ZNF488: variants seen among roughly 807,000 people sequenced by gnomAD.
ZNF488 encodes zinc finger protein 488.
In ZNF488, 1 loss-of-function variant was observed where a neutral mutation model predicts 1.2. The ratio of observed to expected loss-of-function variants is 0.86; its 90% CI spans 0.30 to 4.07. The LOEUF (loss-of-function observed/expected upper bound fraction) is 4.07, where lower values mean the gene tolerates loss of function less well. ZNF488 is among the 30% of genes most tolerant of loss of function. The pLI, the probability that ZNF488 is intolerant of heterozygous loss-of-function variation, is 0.18. For synonymous variants in ZNF488, 185 were observed against 190.1 expected, an observed-to-expected ratio of 0.97 and a Z score of 0.22; for missense variants, 450 against 437.9, an observed-to-expected ratio of 1.03 and a Z score of -0.25.
At chr10:47,374,775 A>G (rs1187400080) in intron 1 of ZNF488, among the ~76,000 whole-genome samples, 2 of 152,194 alleles carry the variant, frequency 1.3e-5, no homozygotes, top group Non-Finnish European at 2.9e-5. Flanking sequence ...TGTCCCTGCC[A>G]CCGTGAGTGA....
chr10:47,382,569 C>A (rs1438395444), intron 1 of ZNF488, among the ~76,000 whole-genome samples: 1 of 152,062 alleles, frequency 6.6e-6, no homozygotes, highest in South Asian at 2.1e-4. Flanking sequence ...ATCCCTCCCC[C>A]CAGAATCCGC....
At chr10:47,372,798 G>A (rs965533481) in intron 1 of ZNF488, among the ~76,000 whole-genome samples, 1 of 152,196 alleles carries the variant, frequency 6.6e-6, no homozygotes, top group Non-Finnish European at 1.5e-5. Context: ...CCCATGGGAT[G>A]CCTGCCGCAG....
chr10:47,377,675 A>T (rs1275580706), intron 1 of ZNF488, among the ~76,000 whole-genome samples: 21 of 56,782 alleles, frequency 3.7e-4, no homozygotes, highest in South Asian at 8.4e-4. Flanking sequence ...TAACAATCAC[A>T]CACACACACA....
chr10:47,377,671 TCACACACACA>T lies in ZNF488; in HGVS notation c.-109+6539_-109+6548del, dbSNP rs55901237. Reference sequence around the variant, plus strand: ...CACCCAGAGGAGCCAGCAATAACAATCACACACACACACACACACACACACACACACACAC... The same window carrying T: ...CACCCAGAGGAGCCAGCAATAACAATCACACACACACACACACACACACAC... On this transcript the variant is annotated intron_variant, in intron 1 of 1. Transcript: ENST00000585316. 2.1e-3 allele frequency among the ~76,000 whole-genome samples: 218 copies of T among 105,028 alleles called. 2 individuals are homozygous for T. The highest frequency in any genetic ancestry group is 4.8e-3 in the Middle Eastern group (1 of 210). 68.9% of individuals were successfully genotyped at this position (105,028 alleles called of 152,430 possible). A position where few individuals can be genotyped will look rare whatever the true frequency, so the allele number is the denominator to read the frequency against.
In ZNF488 at chr10:47,367,945, T is replaced by A; in HGVS notation, c.885A>T (p.Arg295=). The A allele has an allele frequency of 6.2e-7, 1 of 1,614,024 alleles. No individual in the cohort carries two copies. Among genetic ancestry groups the A allele is most frequent in the Non-Finnish European group, 8.5e-7 (1 of 1,180,024 alleles). Residue 295 remains arginine, a synonymous_variant, in exon 2 of 2, where the codon CGA becomes CGT. Transcript: ENST00000585316. ...RLTSDLVFHM[R]SHHKKEHAGP... ...CCGCATGCTCCTTTTTGTGGTGGGA[T>A]CGCATGTGAAAGACCAGGTCGGACG...
intron 1 of ZNF488, among the ~76,000 whole-genome samples, chr10:47,370,455 C>T (rs555924280): frequency 6.6e-6 from 1 of 152,350 alleles, no homozygotes. Context: ...AAGAATACAG[C>T]TGATTGGCCT....
At chr10:47,384,080 T>C (rs1357952020) in intron 1 of ZNF488, 140 bp downstream of exon 1, 9 of 152,000 alleles carry the variant, frequency 5.9e-5, no homozygotes, top group East Asian at 1.9e-4. Context: ...GCTGGCGACA[T>C]TGGGAAGGAA....
chr10:47,381,204 C>CA (rs1837935894), intron 1 of ZNF488, among the ~76,000 whole-genome samples: 1 of 152,302 alleles, frequency 6.6e-6, no homozygotes, highest in African/African-American at 2.4e-5. Flanking sequence ...AGGTCAGGCA[C>CA]CAGATCTTAT....
Position 47,367,829 on chromosome 10 carries a change from C to T in ZNF488, c.1001G>A (p.Arg334Gln). 4.3e-6 allele frequency: 7 copies of T among 1,612,236 alleles called. No homozygotes were observed. Among genetic ancestry groups the T allele is most frequent in the Middle Eastern group, 1.7e-4 (1 of 6,050 alleles). ...EHFRERHHLSRHMTSHS is the reference protein window; with the variant it reads ...EHFRERHHLSQHMTSHS Reference sequence around the variant, plus strand: ...CTGCTAGCTGTGAGAAGTCATGTGCCGGGAGAGGTGGTGGCGCTCCCGGAA... The same window carrying T: ...CTGCTAGCTGTGAGAAGTCATGTGCTGGGAGAGGTGGTGGCGCTCCCGGAA... The change falls in exon 2 of 2, where the codon CGG (arginine) becomes CAG (glutamine). Residue 334 changes from arginine to glutamine, a missense_variant. Arg to Gln is a conservative substitution (Grantham distance 43). Transcript: ENST00000585316.
At chr10:47,378,917 G>A (rs1449134855) in intron 1 of ZNF488, among the ~76,000 whole-genome samples, 2 of 152,142 alleles carry the variant, frequency 1.3e-5, no homozygotes, top group Non-Finnish European at 2.9e-5. Context: ...CGTCAGAGGT[G>A]AATGTCGGCC....
In ZNF488 at chr10:47,368,889, T is replaced by C. The variant is rs1555213501; in HGVS notation, c.-60A>G. The stretch of plus-strand genomic sequence containing the variant: ...CTTGGCCCAGCAAGGAGCCATGAGA[T>C]ATGGAAGCTCCCCATGACACTGGGC... On this transcript the variant is annotated 5_prime_UTR_variant, in exon 2 of 2. The change creates a new upstream start codon in the 5' untranslated region. Coordinates refer to ENST00000585316, the MANE Select transcript of ZNF488 (RefSeq NM_153034.4). 2.0e-6 allele frequency: 3 copies of C among 1,523,092 alleles called. No homozygotes were observed. The highest frequency in any genetic ancestry group is 2.1e-4 in the Middle Eastern group (1 of 4,750). 94.3% of individuals were successfully genotyped at this position (1,523,092 alleles called of 1,614,324 possible).
chr10:47,369,284 T>G (rs1342712006), intron 1 of ZNF488, among the ~76,000 whole-genome samples: 9 of 152,312 alleles, frequency 5.9e-5, no homozygotes, highest in Middle Eastern at 3.4e-3. Context: ...GGAAAGAGCC[T>G]GCTCTGGGGG....
At position 47,367,710 on chromosome 10, in the gene ZNF488, G is replaced by A; in HGVS notation, c.*97C>T. 1.4e-6 allele frequency: 2 copies of A among 1,395,510 alleles called. No individual in the cohort carries two copies. The highest frequency in any genetic ancestry group is 1.9e-6 in the Non-Finnish European group (2 of 1,025,940). The allele number at this position is 1,395,510 out of a possible 1,614,324, so 86.4% of individuals were successfully genotyped here. ...TATGAATGCCAAAAGCAGCAGCTCT[G>A]CAAAGGACCATGACAGCCCCCTCAA... On this transcript the variant is annotated 3_prime_UTR_variant, in exon 2 of 2. Coordinates refer to ENST00000585316, the MANE Select transcript of ZNF488 (RefSeq NM_153034.4).
chr10:47,368,008 C>A lies in ZNF488; in HGVS notation c.822G>T (p.Gln274His), dbSNP rs782385883. 6.2e-7 allele frequency: 1 copy of A among 1,614,138 alleles called. No individual in the cohort carries two copies. The highest frequency in any genetic ancestry group is 8.5e-7 in the Non-Finnish European group (1 of 1,180,032). The change falls in exon 2 of 2, where the codon CAG becomes CAT. Residue 274 changes from glutamine (Q) to histidine (H), a missense_variant. By Grantham distance (24) the Gln-to-His change is conservative. Transcript: ENST00000585316. ...PTLTSLGLST[Q>H]NWCAKCNLSF... ...ACAGGTTGCACTTTGCACACCAGTT[C>A]TGGGTGGACAAGCCCAGGGAGGTGA...
chr10:47,366,704 C>T lies in ZNF488; in HGVS notation c.*1103G>A, dbSNP rs1043293219. ...GCGGGTACCTACAACAGCTACTGAC[C>T]GAAACGCAGTAGATAATAAATGGTA... On this transcript the variant is annotated 3_prime_UTR_variant, in exon 2 of 2. Transcript: ENST00000585316. 2 of 167,026 alleles carry T rather than the reference C, an allele frequency of 1.2e-5. No individual in the cohort carries two copies. The highest frequency in any genetic ancestry group is 2.9e-5 in the Non-Finnish European group (2 of 68,118). The allele number at this position is 167,026 out of a possible 1,614,324, so 10.3% of individuals were successfully genotyped here.
rs943223943 is a variant in ZNF488 at position 47,367,459 on chromosome 10, C to G, written c.*348G>C. 1.0e-5 allele frequency: 3 copies of G among 287,806 alleles called. No homozygotes were observed. The South Asian group carries it at 2.6e-4, about 25-fold the overall frequency. 17.8% of individuals were successfully genotyped at this position (287,806 alleles called of 1,614,324 possible). On this transcript the variant is annotated 3_prime_UTR_variant, in exon 2 of 2. Coordinates refer to ENST00000585316, the MANE Select transcript of ZNF488 (RefSeq NM_153034.4). ...AAAATGGGGACTCAGCAGGTTAAAG[C>G]TCTTTGTCCAGGGTCACAGCTAGTA...
rs114344997 is a variant in ZNF488, at chr10:47,374,203, C to T, written c.-108-5266G>A. ...TATGGTCCTAAATACTATAAGGCGC[C>T]GAGTGACATCTTTATGTGGCATTAT... On this transcript the variant is annotated intron_variant, in intron 1 of 1. Transcript: ENST00000585316. Among the ~76,000 whole-genome samples the T allele has an allele frequency of 6.9e-3, 1,057 of 152,200 alleles. 22 individuals carry two copies. Among genetic ancestry groups the T allele is most frequent in the African/African-American group, 0.024 (995 of 41,514 alleles).
intron 1 of ZNF488, among the ~76,000 whole-genome samples, chr10:47,370,855 A>G (rs1197937745): frequency 2.0e-5 from 3 of 152,354 alleles, no homozygotes; most frequent in Non-Finnish European, 4.4e-5. Context: ...AAACCCCAGG[A>G]GGAAACACAG....
intron 1 of ZNF488, 57 bp downstream of exon 1, chr10:47,384,163 C>T (rs1469847725): frequency 6.5e-6 from 1 of 153,402 alleles, no homozygotes; most frequent in African/African-American, 2.4e-5. Flanking sequence ...TGAGATGGAC[C>T]CCGCCGCCCG....
Sources: gnomAD v4.1 joint callset for allele counts (sites outside exome capture counted in the v4.1 genomes callset) on GRCh38, gnomAD v4.1.1 for gene constraint, MANE v1.5 for transcripts, NCBI Gene and HGNC (gene_info 2026-07-23, HGNC 2026-07-21) for gene names.